CNST: variants seen among roughly 807,000 people sequenced by gnomAD.
The protein encoded by CNST is consortin.
Under a neutral mutation model 72.4 loss-of-function variants are expected in CNST, and 39 were observed. The observed-to-expected ratio is 0.54, with a 90% confidence interval of 0.42 to 0.70. CNST has a LOEUF of 0.70. CNST is among the 30% of genes least tolerant of loss of function. CNST has a pLI of 0.00. For missense variants in CNST, 871 were observed against 868.5 expected, an observed-to-expected ratio of 1.00 and a Z score of -0.04; for synonymous variants, 332 against 320.1, an observed-to-expected ratio of 1.04 and a Z score of -0.40.
At position 246,665,709 on chromosome 1, in the gene CNST, G is replaced by C; in HGVS notation, c.1982G>C (p.Gly661Ala). ...TTTCTCATGTTTGCAGATGAAGTTG[G>C]AGGTGGCTCCTGTATTTTGCTGGTC... is the stretch of plus-strand genomic sequence containing the variant. The part of the protein sequence containing the change: ...IDDSLDQDEV[G>A]GGSCILLVLL... Residue 661 changes from glycine to alanine, a missense_variant, in exon 11 of 11, where the codon GGA (glycine) becomes GCA (alanine). By Grantham distance (60) the Gly-to-Ala change is moderately conservative (BLOSUM62 0). Coordinates refer to ENST00000366513, the MANE Select transcript of CNST (RefSeq NM_152609.3). 6.2e-7 allele frequency: 1 copy of C among 1,612,854 alleles called. No homozygotes were observed. Among genetic ancestry groups the C allele is most frequent in the Non-Finnish European group, 8.5e-7 (1 of 1,179,966 alleles).
At chr1:246,583,919 A>G (rs1280616363) in intron 1 of CNST, among the ~76,000 whole-genome samples, 4 of 152,222 alleles carry the variant, frequency 2.6e-5, no homozygotes, top group Non-Finnish European at 5.9e-5. Context: ...AAGAAAATAT[A>G]TGTGAATTTG....
chr1:246,592,042 T>C, intron 2 of CNST, 101 bp downstream of exon 2: 1 of 945,416 alleles, frequency 1.1e-6, no homozygotes, highest in Non-Finnish European at 1.5e-6. Flanking sequence ...GCTTCTTTGC[T>C]TACGATATTC....
intron 4 of CNST, 104 bp downstream of exon 4, chr1:246,632,028 T>C: frequency 1.4e-6 from 1 of 722,914 alleles, no homozygotes; most frequent in East Asian, 2.7e-5. Flanking sequence ...GTACAGATCA[T>C]ATGGTTTCAG....
intron 6 of CNST, among the ~76,000 whole-genome samples, chr1:246,635,778 T>G (rs534040392): frequency 6.6e-6 from 1 of 152,332 alleles, no homozygotes; most frequent in South Asian, 2.1e-4. Flanking sequence ...TGAACCATCC[T>G]CAGCCCAGGT....
rs1421251256 is a variant in CNST, at chr1:246,667,036, T to C, written c.*1131T>C. The C allele has an allele frequency of 6.6e-6, 1 of 152,136 alleles. No homozygotes were observed. Among genetic ancestry groups the C allele is most frequent in the Non-Finnish European group, 1.5e-5 (1 of 68,030 alleles). The allele number at this position is 152,136 out of a possible 1,614,324, so 9.4% of individuals were successfully genotyped here. On this transcript the variant is annotated 3_prime_UTR_variant, in exon 11 of 11. Coordinates refer to ENST00000366513, the MANE Select transcript of CNST (RefSeq NM_152609.3). ...CATAGACAAATGTCTGATTTTTGTT[T>C]AAATCTGTCCGTTAGGTGGCCTTTC...
chr1:246,576,009 C>A (rs1016963036), intron 1 of CNST, among the ~76,000 whole-genome samples: 2 of 150,968 alleles, frequency 1.3e-5, no homozygotes, highest in African/African-American at 4.9e-5. Context: ...CCGAGGCGAG[C>A]AGATCACTTG....
chr1:246,574,449 AGCTT>A (rs1357013414), intron 1 of CNST, among the ~76,000 whole-genome samples: 1 of 152,202 alleles, frequency 6.6e-6, no homozygotes, highest in Non-Finnish European at 1.5e-5. Context: ...TTTTAGAGAC[AGCTT>A]GTCGCACTAT....
intron 9 of CNST, among the ~76,000 whole-genome samples, chr1:246,657,779 ATTCTGTGCC>A (rs1453667675): frequency 6.6e-6 from 1 of 152,180 alleles, no homozygotes; most frequent in African/African-American, 2.4e-5. Context: ...CAGTTGGCTC[ATTCTGTGCC>A]TTTCCAGATG....
intron 1 of CNST, among the ~76,000 whole-genome samples, chr1:246,570,220 G>A (rs1475179206): frequency 3.9e-5 from 6 of 152,134 alleles, no homozygotes; most frequent in South Asian, 2.1e-4. Flanking sequence ...GTCTCCATAC[G>A]TGCTTCAAGT....
chr1:246,635,637 G>T (rs1428071776), intron 6 of CNST, among the ~76,000 whole-genome samples: 1 of 152,192 alleles, frequency 6.6e-6, no homozygotes, highest in Non-Finnish European at 1.5e-5. Context: ...TTGATAAATT[G>T]CTGGGTGCAT....
Position 246,647,690 on chromosome 1 carries a change from C to T in CNST, c.1489C>T (p.Pro497Ser). 6.2e-7 allele frequency: 1 copy of T among 1,614,142 alleles called. No homozygotes were observed. Among genetic ancestry groups the T allele is most frequent in the African/African-American group, 1.3e-5 (1 of 75,032 alleles). Residue 497 changes from proline (P) to serine (S), a missense_variant, in exon 9 of 11, where the codon CCA becomes TCA. Transcript: ENST00000366513. ...TCTTACAGACAGTGATGGAAAATCA[C>T]CACAGGCGCAGGCTGACTCAGACGG... ...PDLTDSDGKSPQAQADSDGSE... is the reference protein window; with the variant it reads ...PDLTDSDGKSSQAQADSDGSE...
chr1:246,619,539 A>T (rs1463108188), intron 2 of CNST, among the ~76,000 whole-genome samples: 1 of 152,206 alleles, frequency 6.6e-6, no homozygotes, highest in African/African-American at 2.4e-5. Flanking sequence ...CAATTACTGT[A>T]CTGCAACCTA....
intron 6 of CNST, among the ~76,000 whole-genome samples, chr1:246,640,886 A>G (rs1444345916): frequency 1.3e-5 from 2 of 152,206 alleles, no homozygotes; most frequent in African/African-American, 4.8e-5. Context: ...GAATTTTTGC[A>G]TAGACGTATA....
chr1:246,631,929 C>T lies in CNST; in HGVS notation c.616+5C>T. ...CCTATTTCCAGGAGGAGGACTGTAT[C>T]CTTTTCTTAATTACAGGAAGAAATT... On this transcript the variant is annotated splice_donor_5th_base_variant and intron_variant, in intron 4 of 10. Coordinates refer to ENST00000366513, the MANE Select transcript of CNST (RefSeq NM_152609.3). The T allele has an allele frequency of 1.3e-6, 2 of 1,520,256 alleles. No individual in the cohort carries two copies. Among genetic ancestry groups the T allele is most frequent in the Non-Finnish European group, 1.8e-6 (2 of 1,115,068 alleles). 94.2% of individuals were successfully genotyped at this position (1,520,256 alleles called of 1,614,324 possible). A position where few individuals can be genotyped will look rare whatever the true frequency, so the allele number is the denominator to read the frequency against.
intron 8 of CNST, among the ~76,000 whole-genome samples, chr1:246,646,185 C>T (rs928113618): frequency 6.8e-6 from 1 of 147,164 alleles, no homozygotes; most frequent in Non-Finnish European, 1.5e-5. Flanking sequence ...GAGGCTGAGG[C>T]AGGAGAATGG....
At chr1:246,659,397 A>T (rs534742967) in intron 9 of CNST, among the ~76,000 whole-genome samples, 3 of 152,142 alleles carry the variant, frequency 2.0e-5, no homozygotes, top group Admixed American at 6.5e-5. Flanking sequence ...GATCGAGACC[A>T]TCCTGGCTAA....
chr1:246,620,898 A>ACT (rs1664049950), intron 2 of CNST, among the ~76,000 whole-genome samples: 1 of 151,186 alleles, frequency 6.6e-6, no homozygotes, highest in Admixed American at 6.6e-5. Context: ...GGCTCTGGGC[A>ACT]CTACAGGGAG....
At chr1:246,650,931 G>A (rs978281340) in intron 9 of CNST, among the ~76,000 whole-genome samples, 1 of 152,064 alleles carries the variant, frequency 6.6e-6, no homozygotes, top group African/African-American at 2.4e-5. Context: ...ACCTACCTCG[G>A]CCTACCAAAG....
intron 9 of CNST, among the ~76,000 whole-genome samples, chr1:246,654,149 C>T (rs1391147311): frequency 1.3e-5 from 2 of 152,208 alleles, no homozygotes; most frequent in African/African-American, 4.8e-5. Flanking sequence ...TGTCATCTGG[C>T]CCACTCTGTC....
Sources: gnomAD v4.1 joint callset for allele counts (sites outside exome capture counted in the v4.1 genomes callset) on GRCh38, gnomAD v4.1.1 for gene constraint, MANE v1.5 for transcripts, NCBI Gene and HGNC (gene_info 2026-07-23, HGNC 2026-07-21) for gene names.